Variants in CNTN5 observed in about 807,000 individuals in gnomAD.
The protein encoded by CNTN5 is contactin 5, also known as contactin-5.
Under a neutral mutation model 129.1 loss-of-function variants are expected in CNTN5, and 77 were observed. The ratio of observed to expected loss-of-function variants is 0.60; its 90% CI spans 0.50 to 0.72. The LOEUF is 0.72. Ranked by LOEUF, CNTN5 falls within the 30% of genes least tolerant of loss-of-function variation. CNTN5 has a pLI of 0.00. For missense variants in CNTN5, 1,478 were observed against 1,328.8 expected (o/e 1.11, Z -1.75); for synonymous variants, 509 against 465.6 (o/e 1.09, Z -1.20).
chr11:99,719,877 C>A (rs565782922), intron 3 of CNTN5, among the ~76,000 whole-genome samples: 2 of 152,064 alleles, frequency 1.3e-5, no homozygotes, highest in South Asian at 4.1e-4. Context: ...AATAAAAGCA[C>A]CCATCAGAAA....
intron 1 of CNTN5, among the ~76,000 whole-genome samples, chr11:99,249,252 A>G (rs1336022669): frequency 1.3e-5 from 2 of 152,070 alleles, no homozygotes; most frequent in Admixed American, 1.3e-4. Context: ...TTCACTCATG[A>G]TTTGGCTCTC....
chr11:99,488,596 A>G (rs560023287), intron 2 of CNTN5, among the ~76,000 whole-genome samples: 1 of 152,216 alleles, frequency 6.6e-6, no homozygotes, highest in Non-Finnish European at 1.5e-5. Context: ...GGCCAAGAGA[A>G]AAGTTGGGTG....
At chr11:99,573,819 T>C (rs1949259482) in intron 3 of CNTN5, among the ~76,000 whole-genome samples, 1 of 152,042 alleles carries the variant, frequency 6.6e-6, no homozygotes, top group Non-Finnish European at 1.5e-5. Context: ...AGAGCATATG[T>C]AATTCTTTGA....
intron 6 of CNTN5, among the ~76,000 whole-genome samples, chr11:99,868,060 C>G (rs1306900775): frequency 6.6e-6 from 1 of 151,822 alleles, no homozygotes; most frequent in South Asian, 2.1e-4. Context: ...ACTAAAAATA[C>G]AAAAAATTAG....
chr11:99,315,459 G>A (rs938094515), intron 1 of CNTN5, among the ~76,000 whole-genome samples: 1 of 149,346 alleles, frequency 6.7e-6, no homozygotes, highest in Admixed American at 6.7e-5. Flanking sequence ...GAAAGCACCA[G>A]GTTGAACTTT....
intron 8 of CNTN5, among the ~76,000 whole-genome samples, chr11:99,972,049 A>G (rs544690131): frequency 1.9e-4 from 27 of 144,674 alleles, no homozygotes; most frequent in African/African-American, 5.9e-4. Context: ...GGAGATTGAG[A>G]CCATCCTGGC....
intron 3 of CNTN5, among the ~76,000 whole-genome samples, chr11:99,669,468 G>GTGTGTGTATA (rs1307612500): frequency 1.4e-5 from 1 of 72,504 alleles, no homozygotes; most frequent in East Asian, 4.2e-4. Context: ...GTGTGTGTGT[G>GTGTGTGTATA]TGTGTATATG....
chr11:99,731,966 G>T (rs778006795), intron 3 of CNTN5, among the ~76,000 whole-genome samples: 4 of 152,142 alleles, frequency 2.6e-5, no homozygotes, highest in Non-Finnish European at 5.9e-5. Flanking sequence ...TCCATATTTA[G>T]ATATAATGTA....
chr11:99,148,434 C>T (rs113602722), intron 1 of CNTN5, among the ~76,000 whole-genome samples: 1 of 152,062 alleles, frequency 6.6e-6, no homozygotes, highest in African/African-American at 2.4e-5. Flanking sequence ...ATCTAATCAG[C>T]AAGGTGGGCA....
intron 3 of CNTN5, among the ~76,000 whole-genome samples, chr11:99,581,369 T>A (rs1346819986): frequency 1.1e-3 from 151 of 132,180 alleles, no homozygotes; most frequent in Admixed American, 2.1e-3. Flanking sequence ...AGAGCTGAGT[T>A]CAATTCCTGG....
intron 3 of CNTN5, among the ~76,000 whole-genome samples, chr11:99,639,241 A>G (rs1302809206): frequency 6.6e-6 from 1 of 152,058 alleles, no homozygotes; most frequent in African/African-American, 2.4e-5. Context: ...ACAGAGCACC[A>G]AGTCCCTTGG....
intron 2 of CNTN5, among the ~76,000 whole-genome samples, chr11:99,357,113 T>C (rs1938728794): frequency 6.6e-6 from 1 of 151,816 alleles, no homozygotes; most frequent in African/African-American, 2.4e-5. Flanking sequence ...AGGTGGCAAA[T>C]AAAGAGCCTA....
chr11:99,141,705 A>C (rs945868723), intron 1 of CNTN5, among the ~76,000 whole-genome samples: 1 of 151,894 alleles, frequency 6.6e-6, no homozygotes, highest in Non-Finnish European at 1.5e-5. Flanking sequence ...CTTTTTTCTC[A>C]TTAGTTTTAA....
At chr11:99,141,251 C>T (rs1859501298) in intron 1 of CNTN5, among the ~76,000 whole-genome samples, 2 of 151,848 alleles carry the variant, frequency 1.3e-5, no homozygotes, top group Admixed American at 1.3e-4. Context: ...GGAATTTACC[C>T]ATTTCTTCTT....
chr11:99,741,658 A>G (rs147344617), intron 3 of CNTN5, among the ~76,000 whole-genome samples: 4 of 152,150 alleles, frequency 2.6e-5, no homozygotes, highest in Non-Finnish European at 2.9e-5. Flanking sequence ...CTTAACCCAG[A>G]CAGGAGATTT....
intron 4 of CNTN5, among the ~76,000 whole-genome samples, chr11:99,840,382 A>G (rs979923706): frequency 1.1e-4 from 16 of 152,168 alleles, no homozygotes; most frequent in African/African-American, 3.1e-4. Context: ...TCTCATAATA[A>G]GAACTATGAA....
At chr11:99,652,583 A>T (rs1206357936) in intron 3 of CNTN5, among the ~76,000 whole-genome samples, 2 of 152,072 alleles carry the variant, frequency 1.3e-5, no homozygotes, top group Non-Finnish European at 2.9e-5. Flanking sequence ...TATCCCAATT[A>T]TAAATTTTGA....
intron 2 of CNTN5, among the ~76,000 whole-genome samples, chr11:99,348,197 G>A (rs1938037477): frequency 6.6e-6 from 1 of 152,270 alleles, no homozygotes; most frequent in South Asian, 2.1e-4. Flanking sequence ...AAATTAGCCA[G>A]GCGTGGTGGC....
chr11:99,991,199 GGCTCACGCCTGTAATCCCAGCACTTT>G (rs1212359587), intron 8 of CNTN5, among the ~76,000 whole-genome samples: 1 of 152,172 alleles, frequency 6.6e-6, no homozygotes, highest in African/African-American at 2.4e-5. Context: ...CAGGCGTGGT[GGCTCACGCCTGTAATCCCAGCACTTT>G]GGGAGGCCAA....
Sources: allele counts gnomAD v4.1 joint callset (sites outside exome capture counted in the v4.1 genomes callset), GRCh38; gene constraint gnomAD v4.1.1; transcripts MANE v1.5; gene names NCBI Gene and HGNC (gene_info 2026-07-23, HGNC 2026-07-21).